The following RIPOR3 variants were observed in gnomAD, a reference collection of about 807,000 sequenced individuals.
The protein encoded by RIPOR3 is family with sequence similarity 65 member C.
A neutral mutation model predicts 114.3 loss-of-function variants in RIPOR3; 95 were observed. The observed-to-expected ratio is 0.83, with a 90% CI of 0.70 to 0.99. RIPOR3 has a LOEUF of 0.99. Ranked by LOEUF, RIPOR3 falls within the 50% of genes least tolerant of loss-of-function variation. The pLI, the probability that RIPOR3 is intolerant of heterozygous loss-of-function variation, is 0.00. For missense variants in RIPOR3, 1,252 were observed against 1,266.9 expected, an observed-to-expected ratio of 0.99 and a Z score of 0.18; for synonymous variants, 575 against 543.8, an observed-to-expected ratio of 1.06 and a Z score of -0.80.
chr20:50,651,216 G>A (rs2085593627), intron 1 of RIPOR3, among the ~76,000 whole-genome samples: 1 of 152,180 alleles, frequency 6.6e-6, no homozygotes, highest in Non-Finnish European at 1.5e-5. Context: ...GAAGCTGAAA[G>A]CAGCCCCCCA....
chr20:50,660,501 G>A (rs948886356), intron 1 of RIPOR3, among the ~76,000 whole-genome samples: 24 of 152,100 alleles, frequency 1.6e-4, no homozygotes, highest in African/African-American at 5.8e-4. Context: ...GAGAGTGACA[G>A]CAAGAACTCA....
At position 50,671,314 on chromosome 20, in the gene RIPOR3, A is replaced by G. The variant is rs150386575; in HGVS notation, c.3+19812T>C. Among the ~76,000 whole-genome samples, 1,433 of 152,242 alleles carry G rather than the reference A, an allele frequency of 9.4e-3. 18 individuals carry two copies. Among genetic ancestry groups the G allele is most frequent in the African/African-American group, 0.033 (1,368 of 41,546 alleles). ...ATGGGTAGGCACTTCTAATGAGCAG[A>G]ATATGGCAAAAGGGACAGGATGTCA... is the stretch of plus-strand genomic sequence containing the variant. On this transcript the variant is annotated intron_variant, in intron 1 of 21. Coordinates refer to ENST00000327979, the MANE Select transcript of RIPOR3 (RefSeq NM_001290268.2).
At chr20:50,641,859 C>T (rs1035148252) in intron 1 of RIPOR3, among the ~76,000 whole-genome samples, 40 of 152,328 alleles carry the variant, frequency 2.6e-4, no homozygotes, top group African/African-American at 9.1e-4. Context: ...ACTTGACCTT[C>T]AGCCTCTTAC....
intron 1 of RIPOR3, among the ~76,000 whole-genome samples, chr20:50,680,308 A>C (rs2086817042): frequency 6.6e-6 from 1 of 152,264 alleles, no homozygotes; most frequent in African/African-American, 2.4e-5. Context: ...AAGGAAAACT[A>C]AATGATCCAC....
Position 50,666,119 on chromosome 20 carries a change from C to T in RIPOR3, c.3+25007G>A, listed in dbSNP as rs181533665. 5.4e-4 allele frequency among the ~76,000 whole-genome samples: 80 copies of T among 148,060 alleles called. 1 individual carries two copies. The highest frequency in any genetic ancestry group is 1.7e-3 in the African/African-American group (70 of 40,554). ...TAACATGACAGTGAACATCTAGGGCCTTATATACATTTTTCTTCAATTCAG... is the reference window on the plus strand; with the variant it reads ...TAACATGACAGTGAACATCTAGGGCTTTATATACATTTTTCTTCAATTCAG... On this transcript the variant is annotated intron_variant, in intron 1 of 21. Coordinates refer to ENST00000327979, the MANE Select transcript of RIPOR3 (RefSeq NM_001290268.2).
chr20:50,687,609 G>A (rs1474562332), intron 1 of RIPOR3, among the ~76,000 whole-genome samples: 1 of 152,150 alleles, frequency 6.6e-6, no homozygotes, highest in Non-Finnish European at 1.5e-5. Flanking sequence ...ATTATAAATT[G>A]TATTGACGTA....
At position 50,619,409 on chromosome 20, in the gene RIPOR3, T is replaced by C. The variant is rs530760091; in HGVS notation, c.269+577A>G. 9.7e-4 allele frequency among the ~76,000 whole-genome samples: 144 copies of C among 147,798 alleles called. 1 individual carries two copies. The highest frequency in any genetic ancestry group is 3.6e-3 in the African/African-American group (141 of 39,164). ...TGAGCTGAGATTGTGCCACTGCACT[T>C]GAGCCTGGGCAACAGAGCGAGACTC... is the stretch of plus-strand genomic sequence containing the variant. On this transcript the variant is annotated intron_variant, in intron 3 of 21. Transcript: ENST00000327979.
chr20:50,670,780 G>C lies in RIPOR3; in HGVS notation c.3+20346C>G, dbSNP rs147594784. Among the ~76,000 whole-genome samples the C allele has an allele frequency of 9.4e-3, 1,439 of 152,310 alleles. 18 individuals are homozygous for C. The highest frequency in any genetic ancestry group is 0.033 in the African/African-American group (1,374 of 41,578). On this transcript the variant is annotated intron_variant, in intron 1 of 21. Transcript: ENST00000327979. Reference sequence around the variant, plus strand: ...TGGGACTGGGGAAGAACAAGGCTCTGTATGTAGTTGGCTTCCTCTGGAAGG... The same window carrying C: ...TGGGACTGGGGAAGAACAAGGCTCTCTATGTAGTTGGCTTCCTCTGGAAGG...
At chr20:50,638,924 C>G (rs2085096420) in intron 1 of RIPOR3, among the ~76,000 whole-genome samples, 1 of 152,082 alleles carries the variant, frequency 6.6e-6, no homozygotes, top group African/African-American at 2.4e-5. Flanking sequence ...TATTCCAGGC[C>G]AAGCACCTTT....
intron 1 of RIPOR3, among the ~76,000 whole-genome samples, chr20:50,652,989 A>G (rs924600091): frequency 6.6e-6 from 1 of 152,252 alleles, no homozygotes; most frequent in African/African-American, 2.4e-5. Flanking sequence ...ACATATGTCC[A>G]CGCAAAACCC....
chr20:50,638,336 A>C (rs3916270), intron 1 of RIPOR3, among the ~76,000 whole-genome samples: 25,881 of 151,464 alleles, frequency 0.17, 3,813 homozygotes, highest in African/African-American at 0.41. Flanking sequence ...AGAATAGTCA[A>C]CAGCAGGCAC....
At chr20:50,615,907 G>A in intron 4 of RIPOR3, 95 bp downstream of exon 4, 2 of 1,208,280 alleles carry the variant, frequency 1.7e-6, no homozygotes, top group Non-Finnish European at 2.3e-6. Flanking sequence ...CTGAGAAAGA[G>A]TCACACCGTG....
At chr20:50,623,665 T>C (rs2084505750) in intron 2 of RIPOR3, among the ~76,000 whole-genome samples, 1 of 146,834 alleles carries the variant, frequency 6.8e-6, no homozygotes, top group Non-Finnish European at 1.5e-5. Flanking sequence ...GAAACTAAGC[T>C]CAGGCCAGGG....
At chr20:50,657,828 A>G (rs1357322778) in intron 1 of RIPOR3, among the ~76,000 whole-genome samples, 2 of 142,638 alleles carry the variant, frequency 1.4e-5, no homozygotes, top group African/African-American at 5.3e-5. Flanking sequence ...ATCATACCTC[A>G]CTACAGCCTT....
At chr20:50,687,699 C>T (rs36079621) in intron 1 of RIPOR3, among the ~76,000 whole-genome samples, 2 of 151,940 alleles carry the variant, frequency 1.3e-5, no homozygotes, top group African/African-American at 2.4e-5. Flanking sequence ...GTTAGGAGTT[C>T]GAGACCAGCC....
intron 1 of RIPOR3, among the ~76,000 whole-genome samples, chr20:50,635,488 CACAAAAAAT>C (rs1007405607): frequency 2.0e-5 from 3 of 152,016 alleles, no homozygotes; most frequent in Non-Finnish European, 2.9e-5. Context: ...ACCCGGTCCC[CACAAAAAAT>C]ACAAAAATTA....
chr20:50,628,158 C>G (rs1356634505), intron 2 of RIPOR3, among the ~76,000 whole-genome samples: 1 of 152,222 alleles, frequency 6.6e-6, no homozygotes, highest in African/African-American at 2.4e-5. Flanking sequence ...TTAACCCCCT[C>G]TTTGCAGCAC....
At chr20:50,666,912 C>T (rs2086267246) in intron 1 of RIPOR3, among the ~76,000 whole-genome samples, 1 of 152,166 alleles carries the variant, frequency 6.6e-6, no homozygotes, top group Admixed American at 6.5e-5. Flanking sequence ...TGCATGATCC[C>T]TCCTGGGGAG....
chr20:50,618,157 C>G (rs2123140881), intron 3 of RIPOR3, among the ~76,000 whole-genome samples: 1 of 151,658 alleles, frequency 6.6e-6, no homozygotes, highest in East Asian at 2.0e-4. Context: ...GTCCCAGCTC[C>G]TCAGAAGTCT....
Sources: allele counts gnomAD v4.1 joint callset (sites outside exome capture counted in the v4.1 genomes callset), GRCh38; gene constraint gnomAD v4.1.1; transcripts MANE v1.5; gene names NCBI Gene and HGNC (gene_info 2026-07-23, HGNC 2026-07-21).